Variants in TRPM3 observed in about 807,000 individuals in gnomAD.
The protein encoded by TRPM3 is transient receptor potential cation channel subfamily M member 3.
TRPM3 carries 77 observed loss-of-function variants against 181.2 expected under a neutral mutation model. The observed-to-expected ratio is 0.42, with a 90% confidence interval of 0.35 to 0.51. The LOEUF (loss-of-function observed/expected upper bound fraction) is 0.51. TRPM3 is among the 20% of genes least tolerant of loss of function. The pLI is 0.01. For missense variants in TRPM3, 1,759 were observed against 2,196.7 expected (o/e 0.80, Z 3.98); for synonymous variants, 745 against 796.4 (o/e 0.94, Z 1.09).
intron 1 of TRPM3, among the ~76,000 whole-genome samples, chr9:71,201,298 C>T (rs1378685927): frequency 6.6e-6 from 1 of 152,098 alleles, no homozygotes; most frequent in African/African-American, 2.4e-5. Context: ...TCTCTGGCTG[C>T]CCTTAACATT....
At chr9:71,299,408 T>G (rs1208414716) in intron 1 of TRPM3, among the ~76,000 whole-genome samples, 1 of 151,702 alleles carries the variant, frequency 6.6e-6, no homozygotes, top group East Asian at 1.9e-4. Context: ...TGTATTAATA[T>G]TCTCCCAATC....
intron 1 of TRPM3, among the ~76,000 whole-genome samples, chr9:70,925,876 A>G (rs1047883881): frequency 6.6e-6 from 1 of 152,018 alleles, no homozygotes; most frequent in East Asian, 1.9e-4. Context: ...TATGTTTACA[A>G]TGAGAAAACA....
intron 6 of TRPM3, among the ~76,000 whole-genome samples, chr9:70,810,262 C>G (rs2091746821): frequency 6.7e-6 from 1 of 148,364 alleles, no homozygotes; most frequent in South Asian, 2.2e-4. Context: ...TCCACCCTCA[C>G]CCTCCTCTCC....
chr9:70,646,651 G>GGCAC (rs2058898400), intron 9 of TRPM3, among the ~76,000 whole-genome samples: 1 of 151,896 alleles, frequency 6.6e-6, no homozygotes, highest in African/African-American at 2.4e-5. Flanking sequence ...AAACCAGCAT[G>GGCAC]GCACATGTAT....
intron 9 of TRPM3, among the ~76,000 whole-genome samples, chr9:70,662,413 T>C (rs1044195837): frequency 7.3e-5 from 11 of 151,692 alleles, no homozygotes; most frequent in Admixed American, 5.3e-4. Flanking sequence ...AAAACAAAAA[T>C]AAATTGCTTC....
intron 1 of TRPM3, among the ~76,000 whole-genome samples, chr9:71,236,961 C>A (rs932324152): frequency 6.8e-6 from 1 of 147,750 alleles, no homozygotes; most frequent in East Asian, 2.1e-4. Context: ...GCATAAGAAT[C>A]GCTTGAACCT....
intron 1 of TRPM3, among the ~76,000 whole-genome samples, chr9:71,034,011 A>C (rs2057865679): frequency 6.6e-6 from 1 of 152,184 alleles, no homozygotes; most frequent in Non-Finnish European, 1.5e-5. Context: ...GTGGGAAGAA[A>C]CTGGAGTACT....
chr9:71,089,067 C>G (rs2065748506), intron 1 of TRPM3, among the ~76,000 whole-genome samples: 1 of 148,022 alleles, frequency 6.8e-6, no homozygotes, highest in African/African-American at 2.5e-5. Flanking sequence ...CCAAGCCAAG[C>G]TTGTAAATCA....
At chr9:70,640,214 CA>C (rs1185893493) in intron 10 of TRPM3, among the ~76,000 whole-genome samples, 1 of 152,126 alleles carries the variant, frequency 6.6e-6, no homozygotes, top group Non-Finnish European at 1.5e-5. Flanking sequence ...CAATCAGAAG[CA>C]AATTAATAAT....
At chr9:70,664,498 G>A (rs940652894) in intron 9 of TRPM3, among the ~76,000 whole-genome samples, 5 of 152,116 alleles carry the variant, frequency 3.3e-5, no homozygotes, top group Admixed American at 6.5e-5. Flanking sequence ...AGATACAGGT[G>A]CTCTATTTAG....
intron 1 of TRPM3, among the ~76,000 whole-genome samples, chr9:71,111,978 C>A (rs970766447): frequency 6.6e-5 from 10 of 152,050 alleles, no homozygotes; most frequent in Non-Finnish European, 1.3e-4. Flanking sequence ...TCTATTTGAC[C>A]TTGATCCATG....
chr9:70,694,962 G>A (rs7022824), intron 8 of TRPM3, among the ~76,000 whole-genome samples: 55,115 of 152,070 alleles, frequency 0.36, 10,245 homozygotes, highest in East Asian at 0.46. Context: ...TAAGTGTCAC[G>A]TGACAACCCT....
In TRPM3 at chr9:70,625,636, A is replaced by T; in HGVS notation, c.1633-119T>A. 2.9e-6 allele frequency: 3 copies of T among 1,031,324 alleles called. No homozygotes were observed. Among genetic ancestry groups the T allele is most frequent in the Non-Finnish European group, 4.3e-6 (3 of 691,342 alleles). 63.9% of individuals were successfully genotyped at this position (1,031,324 alleles called of 1,614,324 possible). ...AAAAAAACACCAGTGTAGAAGAAAG[A>T]AACACAAGGCTAGACAGGGCAAATG... On this transcript the variant is annotated intron_variant, in intron 12 of 25. Coordinates refer to ENST00000677713, the MANE Select transcript of TRPM3 (RefSeq NM_001366145.2). The surrounding 1 kb of genome is among the most constrained non-coding windows in gnomAD (Gnocchi z 4.8).
At chr9:71,079,475 A>G (rs518967) in intron 1 of TRPM3, among the ~76,000 whole-genome samples, 89,686 of 152,070 alleles carry the variant, frequency 0.59, 27,937 homozygotes, top group African/African-American at 0.8. Context: ...GTTAAGTCAA[A>G]TTACCAGTGA....
chr9:70,927,113 AC>A (rs1480452971), intron 1 of TRPM3, among the ~76,000 whole-genome samples: 1 of 152,206 alleles, frequency 6.6e-6, no homozygotes, highest in Non-Finnish European at 1.5e-5. Flanking sequence ...ATATGTCACT[AC>A]CAACATACTG....
chr9:70,653,280 C>A (rs1396113021), intron 9 of TRPM3, among the ~76,000 whole-genome samples: 4 of 151,966 alleles, frequency 2.6e-5, no homozygotes. Context: ...CAGGGGATAC[C>A]ATCTGCTGAA....
intron 1 of TRPM3, among the ~76,000 whole-genome samples, chr9:71,089,432 A>G (rs1565170574): frequency 6.6e-6 from 1 of 151,570 alleles, no homozygotes; most frequent in East Asian, 1.9e-4. Context: ...ACAATAACAG[A>G]CTGTGTCTAT....
At chr9:71,086,832 G>T (rs1275978512) in intron 1 of TRPM3, among the ~76,000 whole-genome samples, 1 of 152,016 alleles carries the variant, frequency 6.6e-6, no homozygotes, top group East Asian at 1.9e-4. Context: ...GCTAGGAGTA[G>T]GTTAGGATGA....
intron 1 of TRPM3, among the ~76,000 whole-genome samples, chr9:71,388,606 T>G (rs2092985242): frequency 6.6e-6 from 1 of 152,104 alleles, no homozygotes; most frequent in Non-Finnish European, 1.5e-5. Context: ...TATTTCAGCC[T>G]TGAGAATAGT....
Sources: gnomAD v4.1 joint callset for allele counts (sites outside exome capture counted in the v4.1 genomes callset) on GRCh38, gnomAD v4.1.1 for gene constraint, Gnocchi (gnomAD v3.1) non-coding constraint, MANE v1.5 for transcripts, NCBI Gene and HGNC (gene_info 2026-07-23, HGNC 2026-07-21) for gene names.